Variants in DYRK1A observed in about 807,000 individuals in gnomAD.
DYRK1A encodes dual specificity tyrosine-phosphorylation-regulated kinase 1A.
DYRK1A carries 9 observed loss-of-function variants against 79.7 expected under a neutral mutation model. That is an observed-to-expected ratio of 0.11 (90% CI 0.07 to 0.20). DYRK1A has a LOEUF of 0.20. Ranked by LOEUF, DYRK1A falls within the 10% of genes least tolerant of loss-of-function variation. DYRK1A has a pLI of 1.00. For missense variants in DYRK1A, 622 were observed against 956.0 expected (o/e 0.65, Z 4.61); for synonymous variants, 349 against 329.7 (o/e 1.06, Z -0.63).
At chr21:37,503,723 A>T (rs1015529975) in intron 9 of DYRK1A, 3 of 152,156 alleles carry the variant, frequency 2.0e-5, no homozygotes, top group Admixed American at 1.3e-4. Flanking sequence ...TAGTTCTAGC[A>T]TTTCTATTTT....
chr21:37,458,299 T>TGTGTGTGTGTGTGTGTGTGTGC (rs886271557), intron 2 of DYRK1A, among the ~76,000 whole-genome samples: 14 of 151,684 alleles, frequency 9.2e-5, no homozygotes, highest in Admixed American at 3.3e-4. Context: ...TGTGTGTGTG[T>TGTGTGTGTGTGTGTGTGTGTGC]GTGTGTGTAC....
chr21:37,448,528 A>G (rs1038914211), intron 2 of DYRK1A, among the ~76,000 whole-genome samples: 1 of 152,196 alleles, frequency 6.6e-6, no homozygotes, highest in Non-Finnish European at 1.5e-5. Flanking sequence ...CTTTGTTTTT[A>G]TAATAATTTG....
At chr21:37,478,561 T>A (rs1321185766) in intron 4 of DYRK1A, among the ~76,000 whole-genome samples, 2 of 152,176 alleles carry the variant, frequency 1.3e-5, no homozygotes, top group South Asian at 2.1e-4. Context: ...TTTTAATTTT[T>A]ATTTTTTGTT....
chr21:37,366,218 G>A (rs2049299309), upstream of DYRK1A: 2 of 150,588 alleles, frequency 1.3e-5, no homozygotes, highest in Admixed American at 6.6e-5. Flanking sequence ...CGCGCGGGGT[G>A]GGCTTCCCGG....
chr21:37,390,453 G>A (rs2049848713), intron 1 of DYRK1A, among the ~76,000 whole-genome samples: 1 of 152,220 alleles, frequency 6.6e-6, no homozygotes, highest in African/African-American at 2.4e-5. Context: ...TTAACATGGA[G>A]ACATTACTGC....
intron 1 of DYRK1A, among the ~76,000 whole-genome samples, chr21:37,417,188 T>C (rs1418677025): frequency 2.6e-5 from 4 of 152,032 alleles, no homozygotes; most frequent in Non-Finnish European, 5.9e-5. Context: ...TGTTTATTAG[T>C]GTATATATAT....
At chr21:37,487,692 C>T (rs1177101965) in intron 6 of DYRK1A, 1 of 152,086 alleles carries the variant, frequency 6.6e-6, no homozygotes, top group Non-Finnish European at 1.5e-5. Context: ...AATAATGGAT[C>T]TTTAAAAGGG....
At chr21:37,380,537 G>A (rs552458395) in intron 1 of DYRK1A, among the ~76,000 whole-genome samples, 129 of 152,212 alleles carry the variant, frequency 8.5e-4, no homozygotes, top group Non-Finnish European at 4.4e-4. Flanking sequence ...AAAGGGAGAA[G>A]CCAGGCGTTT....
At chr21:37,490,142 T>C in intron 6 of DYRK1A, 33 bp from the exon 7 acceptor site, 1 of 1,590,544 alleles carries the variant, frequency 6.3e-7, no homozygotes, top group Non-Finnish European at 8.6e-7. Context: ...TATTGGTATA[T>C]ATAATTTAAA....
intron 1 of DYRK1A, among the ~76,000 whole-genome samples, chr21:37,389,047 A>T (rs988790453): frequency 6.0e-5 from 9 of 151,104 alleles, no homozygotes; most frequent in Non-Finnish European, 1.0e-4. Flanking sequence ...TTAAAAAAAA[A>T]AATTTTTTTT....
At chr21:37,389,488 G>T (rs567921871) in intron 1 of DYRK1A, among the ~76,000 whole-genome samples, 1 of 152,240 alleles carries the variant, frequency 6.6e-6, no homozygotes, top group African/African-American at 2.4e-5. Context: ...CTGATTCGAG[G>T]TTGGTTGAAC....
Position 37,505,426 on chromosome 21 carries a change from T to C in DYRK1A, c.1356T>C (p.Asp452=), listed in dbSNP as rs1490546985. ...AAGACCTCATTTTAAGGATGCTTGA[T>C]TATGACCCCAAAACTCGAATTCAAC... The part of the protein sequence containing the change: ...KFKDLILRML[D]YDPKTRIQPY... The change falls in exon 10 of 12, where the codon GAT becomes GAC. Residue 452 remains aspartate, a synonymous_variant. Transcript: ENST00000647188. 1 of 1,614,034 alleles carries C rather than the reference T, an allele frequency of 6.2e-7. No homozygotes were observed. The highest frequency in any genetic ancestry group is 1.3e-5 in the African/African-American group (1 of 74,890).
At chr21:37,417,537 T>TTTTTC (rs2050376607) in intron 1 of DYRK1A, among the ~76,000 whole-genome samples, 2 of 107,380 alleles carry the variant, frequency 1.9e-5, no homozygotes, top group African/African-American at 6.7e-5. Flanking sequence ...TTCTTTTTTT[T>TTTTTC]TTTTTTTTTT....
chr21:37,393,717 A>C (rs879491721), intron 1 of DYRK1A, among the ~76,000 whole-genome samples: 1 of 152,130 alleles, frequency 6.6e-6, no homozygotes, highest in African/African-American at 2.4e-5. Flanking sequence ...AACAATATTC[A>C]TTTCTTTGCT....
intron 1 of DYRK1A, among the ~76,000 whole-genome samples, chr21:37,392,892 G>T (rs1047696412): frequency 6.6e-6 from 1 of 152,210 alleles, no homozygotes; most frequent in Non-Finnish European, 1.5e-5. Flanking sequence ...CGTTTCAAAC[G>T]CTGCACCCTC....
intron 1 of DYRK1A, among the ~76,000 whole-genome samples, chr21:37,401,866 CTCT>C (rs2050060853): frequency 6.6e-6 from 1 of 152,132 alleles, no homozygotes; most frequent in Non-Finnish European, 1.5e-5. Flanking sequence ...TGTGTATAAG[CTCT>C]TCTTCACATG....
At chr21:37,423,417 A>G (rs937210909) in intron 2 of DYRK1A, among the ~76,000 whole-genome samples, 5 of 152,194 alleles carry the variant, frequency 3.3e-5, no homozygotes, top group African/African-American at 1.2e-4. Context: ...TTGAATCACA[A>G]GTAACCAAAT....
intron 2 of DYRK1A, chr21:37,430,483 C>G (rs1452382394): frequency 1.1e-6 from 1 of 883,458 alleles, no homozygotes; most frequent in Admixed American, 6.2e-5. Flanking sequence ...CACCTTTGTT[C>G]CATGCACCGC....
At chr21:37,415,081 C>G (rs1347259238) in intron 1 of DYRK1A, among the ~76,000 whole-genome samples, 4 of 152,120 alleles carry the variant, frequency 2.6e-5, no homozygotes, top group Non-Finnish European at 2.9e-5. Context: ...AGGCATTTCC[C>G]TCCTGTTTTC....
Sources: allele counts gnomAD v4.1 joint callset (sites outside exome capture counted in the v4.1 genomes callset), GRCh38; gene constraint gnomAD v4.1.1; transcripts MANE v1.5; gene names NCBI Gene and HGNC (gene_info 2026-07-23, HGNC 2026-07-21).